The following TEK variants were observed in gnomAD, a reference collection of about 807,000 sequenced individuals.
TEK encodes the protein TEK receptor tyrosine kinase.
TEK carries 43 observed loss-of-function variants against 131.8 expected under a neutral mutation model. That is an observed-to-expected ratio of 0.33 (90% CI 0.26 to 0.42). TEK has a LOEUF of 0.42. TEK is among the 10% of genes least tolerant of loss of function. The pLI is 1.00. For missense variants in TEK, 1,162 were observed against 1,384.4 expected, an observed-to-expected ratio of 0.84 and a Z score of 2.55; for synonymous variants, 580 against 491.6, an observed-to-expected ratio of 1.18 and a Z score of -2.38.
chr9:27,192,704 GGT>G, intron 11 of TEK, 81 bp downstream of exon 11: 1 of 1,216,626 alleles, frequency 8.2e-7, no homozygotes, highest in South Asian at 1.3e-5. Flanking sequence ...GACCAGGAAG[GGT>G]GGTGGTGGGT....
chr9:27,133,916 G>C (rs188094950), intron 1 of TEK, among the ~76,000 whole-genome samples: 1 of 152,350 alleles, frequency 6.6e-6, no homozygotes, highest in East Asian at 1.9e-4. Context: ...GACAAAGACA[G>C]CCCAGAGCTG....
rs545073219 is a variant in TEK, at chr9:27,148,856, A to G, written c.53-8975A>G. Among the ~76,000 whole-genome samples, 37 of 152,212 alleles carry G rather than the reference A, an allele frequency of 2.4e-4. 1 individual carries two copies. The highest frequency in any genetic ancestry group is 3.5e-4 in the Non-Finnish European group (24 of 68,028). ...TACATGTAACATACGTTTTACATGT[A>G]ACAGTATTTTTCTACTTGGTCATTT... On this transcript the variant is annotated intron_variant, in intron 1 of 22. Transcript: ENST00000380036.
chr9:27,190,081 G>A (rs1824755341), intron 9 of TEK, among the ~76,000 whole-genome samples: 1 of 152,120 alleles, frequency 6.6e-6, no homozygotes, highest in African/African-American at 2.4e-5. Flanking sequence ...AATGGGAGGT[G>A]GAGCATTCCT....
At chr9:27,205,745 A>G (rs771877748) in intron 14 of TEK, among the ~76,000 whole-genome samples, 20 of 152,124 alleles carry the variant, frequency 1.3e-4, no homozygotes, top group Non-Finnish European at 2.6e-4. Flanking sequence ...AAATGTATCT[A>G]GTTTGTGGGT....
intron 6 of TEK, among the ~76,000 whole-genome samples, chr9:27,176,598 G>A (rs1345832101): frequency 1.3e-5 from 2 of 152,194 alleles, no homozygotes; most frequent in African/African-American, 2.4e-5. Context: ...GGTGCAAAAT[G>A]TGATATTTTG....
In TEK at chr9:27,121,924, G is replaced by C. The variant is rs189779275; in HGVS notation, c.52+12282G>C. Among the ~76,000 whole-genome samples the C allele has an allele frequency of 2.0e-5, 3 of 152,284 alleles. No individual in the cohort carries two copies. The East Asian group carries it at 5.8e-4, about 29-fold the overall frequency. On this transcript the variant is annotated intron_variant, in intron 1 of 22. Transcript: ENST00000380036. ...ATGCTATCCTAGTGACATAAACAAA[G>C]TGAAACAGAGTTTCACAGTGATCGA... is the stretch of plus-strand genomic sequence containing the variant.
intron 1 of TEK, among the ~76,000 whole-genome samples, chr9:27,119,742 G>A (rs1416252535): frequency 6.6e-6 from 1 of 152,166 alleles, no homozygotes; most frequent in East Asian, 1.9e-4. Context: ...GCTCTAGGAT[G>A]ATCTGTCATT....
intron 6 of TEK, among the ~76,000 whole-genome samples, chr9:27,173,737 G>GTT (rs35971876): frequency 6.3e-4 from 59 of 93,942 alleles, no homozygotes; most frequent in East Asian, 1.6e-3. Context: ...TTTTTTTTTG[G>GTT]TTTTTTTTTT....
At chr9:27,193,130 A>G (rs1173595685) in intron 11 of TEK, among the ~76,000 whole-genome samples, 1 of 152,212 alleles carries the variant, frequency 6.6e-6, no homozygotes, top group African/African-American at 2.4e-5. Context: ...AGAAGCTTTT[A>G]TCTAAAGAAC....
At chr9:27,120,249 C>T (rs1821731218) in intron 1 of TEK, among the ~76,000 whole-genome samples, 1 of 152,216 alleles carries the variant, frequency 6.6e-6, no homozygotes, top group Admixed American at 6.5e-5. Flanking sequence ...AGACTCTTTG[C>T]AGTTTCCAAA....
At chr9:27,211,954 G>T (rs566419400) in intron 16 of TEK, among the ~76,000 whole-genome samples, 1 of 124,176 alleles carries the variant, frequency 8.1e-6, no homozygotes, top group East Asian at 2.6e-4. Flanking sequence ...AAAATTCCAA[G>T]AAAACAAAAG....
chr9:27,166,621 T>A (rs1238698789), intron 2 of TEK, among the ~76,000 whole-genome samples: 2 of 152,228 alleles, frequency 1.3e-5, no homozygotes, highest in Non-Finnish European at 2.9e-5. Flanking sequence ...TTATAATAAT[T>A]TTTTCTGTAT....
intron 18 of TEK, among the ~76,000 whole-genome samples, chr9:27,214,290 C>G (rs1421104944): frequency 6.6e-6 from 1 of 152,212 alleles, no homozygotes; most frequent in Non-Finnish European, 1.5e-5. Flanking sequence ...TCACCATCCT[C>G]TCTTTTCCTT....
chr9:27,135,289 C>A (rs1822380687), intron 1 of TEK, among the ~76,000 whole-genome samples: 1 of 151,780 alleles, frequency 6.6e-6, no homozygotes, highest in Non-Finnish European at 1.5e-5. Context: ...ATTCATTAGC[C>A]CACCCTTAGA....
intron 1 of TEK, among the ~76,000 whole-genome samples, chr9:27,112,533 C>G (rs910995889): frequency 6.6e-6 from 1 of 152,128 alleles, no homozygotes; most frequent in East Asian, 1.9e-4. Context: ...CTAGTTCTTC[C>G]AAGGCGTCTC....
chr9:27,168,831 T>C (rs1475005789), intron 3 of TEK, among the ~76,000 whole-genome samples: 36 of 152,228 alleles, frequency 2.4e-4, no homozygotes, highest in Non-Finnish European at 5.9e-5. Context: ...ACATGGTGTA[T>C]GTACATACAA....
intron 4 of TEK, among the ~76,000 whole-genome samples, chr9:27,171,177 G>T (rs959732544): frequency 4.6e-5 from 7 of 152,044 alleles, no homozygotes; most frequent in Admixed American, 4.6e-4. Flanking sequence ...ACATTTTCCT[G>T]TAATTTTTAC....
At chr9:27,192,433 C>G in intron 10 of TEK, 56 bp from the exon 11 acceptor site, 1 of 1,609,008 alleles carries the variant, frequency 6.2e-7, no homozygotes, top group Non-Finnish European at 8.5e-7. Context: ...ACAACCCCGG[C>G]TTAAGGAATG....
chr9:27,214,369 A>G (rs142758965), intron 18 of TEK, among the ~76,000 whole-genome samples: 98 of 152,084 alleles, frequency 6.4e-4, no homozygotes, highest in African/African-American at 2.1e-3. Flanking sequence ...TGGCAGATCT[A>G]CTCTGGTGGA....
Sources: allele counts gnomAD v4.1 joint callset (sites outside exome capture counted in the v4.1 genomes callset), GRCh38; gene constraint gnomAD v4.1.1; transcripts MANE v1.5; gene names NCBI Gene and HGNC (gene_info 2026-07-23, HGNC 2026-07-21).